The following PPP2R2B variants were observed in gnomAD, a reference collection of about 807,000 sequenced individuals.
PPP2R2B encodes the protein protein phosphatase 2 regulatory subunit Bbeta, also known as serine/threonine-protein phosphatase 2A 55 kDa regulatory subunit B beta isoform.
In PPP2R2B, 5 loss-of-function variants were observed where a neutral mutation model predicts 46.0. The ratio of observed to expected loss-of-function variants is 0.11; its 90% confidence interval spans 0.06 to 0.23. The LOEUF (loss-of-function observed/expected upper bound fraction) is 0.23, where lower values mean the gene tolerates loss of function less well. Ranked by LOEUF, PPP2R2B falls within the 10% of genes least tolerant of loss-of-function variation. PPP2R2B has a pLI of 1.00. For synonymous variants in PPP2R2B, 215 were observed against 206.7 expected, an observed-to-expected ratio of 1.04 and a Z score of -0.34; for missense variants, 367 against 575.0, an observed-to-expected ratio of 0.64 and a Z score of 3.70.
rs927631585 is a variant in PPP2R2B, at chr5:146,585,118, T to A, written c.*4829A>T. 2 of 152,128 alleles carry A rather than the reference T, an allele frequency of 1.3e-5. No individual in the cohort carries two copies. The highest frequency in any genetic ancestry group is 4.8e-5 in the African/African-American group (2 of 41,414). 9.4% of individuals were successfully genotyped at this position (152,128 alleles called of 1,614,324 possible). A position where few individuals can be genotyped will look rare whatever the true frequency, so the allele number is the denominator to read the frequency against. On this transcript the variant is annotated 3_prime_UTR_variant, in exon 10 of 10. Transcript: ENST00000394411. ...TCTTGGAGGGCAGGGGCCAGTGGTT[T>A]AAATATCTTAGTAACTCCAGCCCCT...
chr5:146,910,941 A>C (rs1763155534), intron 1 of PPP2R2B, among the ~76,000 whole-genome samples: 1 of 152,046 alleles, frequency 6.6e-6, no homozygotes, highest in Non-Finnish European at 1.5e-5. Flanking sequence ...ATATTCGTCT[A>C]CCTGTCACAG....
intron 6 of PPP2R2B, among the ~76,000 whole-genome samples, chr5:146,643,183 CGAGAGA>C (rs150316003): frequency 2.0e-5 from 3 of 148,406 alleles, no homozygotes; most frequent in Non-Finnish European, 3.0e-5. Context: ...CACACACACA[CGAGAGA>C]GAGAGAGAGA....
At chr5:146,658,207 G>T (rs1021724407) in intron 5 of PPP2R2B, among the ~76,000 whole-genome samples, 2 of 152,140 alleles carry the variant, frequency 1.3e-5, no homozygotes, top group Non-Finnish European at 2.9e-5. Context: ...CCCTGACCCT[G>T]GTGCTCTGGG....
intron 2 of PPP2R2B, among the ~76,000 whole-genome samples, chr5:146,772,794 G>T (rs577002950): frequency 6.6e-6 from 1 of 152,070 alleles, no homozygotes; most frequent in Admixed American, 6.6e-5. Flanking sequence ...GGCCACAAAC[G>T]TTTAAGAACA....
intron 7 of PPP2R2B, among the ~76,000 whole-genome samples, chr5:146,625,506 T>C (rs1361639612): frequency 4.6e-5 from 7 of 152,070 alleles, no homozygotes; most frequent in Non-Finnish European, 2.9e-5. Flanking sequence ...CTGAGGGGGT[T>C]TGAGAAAAGA....
intron 2 of PPP2R2B, among the ~76,000 whole-genome samples, chr5:146,818,637 T>C (rs1271577567): frequency 1.3e-5 from 2 of 152,212 alleles, no homozygotes; most frequent in African/African-American, 4.8e-5. Context: ...ATTTTCTCAG[T>C]GACCCATGAT....
chr5:146,600,623 C>A (rs567135291), intron 7 of PPP2R2B, among the ~76,000 whole-genome samples, 163 bp from the exon 8 acceptor site: 1 of 152,042 alleles, frequency 6.6e-6, no homozygotes, highest in African/African-American at 2.4e-5. Context: ...TCTCTGGTAG[C>A]GGAAAAAGCT....
chr5:146,615,733 A>C (rs1014113395), intron 7 of PPP2R2B, among the ~76,000 whole-genome samples: 1 of 152,114 alleles, frequency 6.6e-6, no homozygotes, highest in South Asian at 2.1e-4. Flanking sequence ...CACTGATGAA[A>C]GAAAAGGAAG....
chr5:146,972,762 T>A (rs1752719566), intron 1 of PPP2R2B, among the ~76,000 whole-genome samples: 1 of 152,056 alleles, frequency 6.6e-6, no homozygotes, highest in African/African-American at 2.4e-5. Context: ...TAATTATAAT[T>A]AGCATTTATC....
intron 1 of PPP2R2B, among the ~76,000 whole-genome samples, chr5:146,973,063 T>G (rs1752736329): frequency 8.6e-6 from 1 of 116,148 alleles, no homozygotes; most frequent in Non-Finnish European, 2.2e-5. Flanking sequence ...TATTTCTTGA[T>G]GATCTTTAAA....
intron 2 of PPP2R2B, among the ~76,000 whole-genome samples, chr5:146,808,910 C>T (rs568945689): frequency 2.0e-5 from 3 of 151,764 alleles, no homozygotes; most frequent in African/African-American, 7.3e-5. Flanking sequence ...TTTATTATTA[C>T]CTTGTAAATG....
intron 2 of PPP2R2B, among the ~76,000 whole-genome samples, chr5:147,077,146 AATATTGT>A (rs1403253135): frequency 2.0e-5 from 3 of 147,838 alleles, no homozygotes; most frequent in South Asian, 4.2e-4. Flanking sequence ...TTATATGTAT[AATATTGT>A]ATATTGTATA....
chr5:146,792,511 T>G (rs957234816), intron 2 of PPP2R2B, among the ~76,000 whole-genome samples: 1 of 152,146 alleles, frequency 6.6e-6, no homozygotes, highest in Non-Finnish European at 1.5e-5. Flanking sequence ...GGGAGATATG[T>G]AACAAACAAT....
At chr5:146,842,516 T>C (rs1231954171) in intron 2 of PPP2R2B, among the ~76,000 whole-genome samples, 1 of 148,734 alleles carries the variant, frequency 6.7e-6, no homozygotes, top group Non-Finnish European at 1.5e-5. Context: ...CAGGGTTACA[T>C]GTGCAGGATG....
At chr5:146,849,768 G>A (rs542393434) in intron 2 of PPP2R2B, among the ~76,000 whole-genome samples, 1 of 152,268 alleles carries the variant, frequency 6.6e-6, no homozygotes, top group East Asian at 1.9e-4. Flanking sequence ...AAAATGGTTT[G>A]TTTCTCCACA....
At chr5:146,613,837 A>C (rs1195457990) in intron 7 of PPP2R2B, among the ~76,000 whole-genome samples, 1 of 142,516 alleles carries the variant, frequency 7.0e-6, no homozygotes, top group Non-Finnish European at 1.5e-5. Flanking sequence ...ACCACTGCTC[A>C]AGGAAATAAA....
intron 1 of PPP2R2B, among the ~76,000 whole-genome samples, chr5:146,949,981 G>A (rs556044411): frequency 1.3e-5 from 2 of 152,052 alleles, no homozygotes; most frequent in Admixed American, 6.6e-5. Flanking sequence ...GAAGGGTAGT[G>A]GGGATAGGAG....
intron 2 of PPP2R2B, among the ~76,000 whole-genome samples, chr5:146,848,294 G>A (rs1433117075): frequency 1.3e-5 from 2 of 152,110 alleles, no homozygotes; most frequent in Non-Finnish European, 2.9e-5. Flanking sequence ...TATAAGTAAT[G>A]AAGCAATATT....
exon 2 of PPP2R2B, chr5:147,081,128 T>G (rs17524553): frequency 6.5e-7 from 1 of 1,535,528 alleles, no homozygotes; most frequent in Non-Finnish European, 8.7e-7. Context: ...TGGGTGAGTG[T>G]CCCAATTCCT....
Sources: allele counts gnomAD v4.1 joint callset (sites outside exome capture counted in the v4.1 genomes callset), GRCh38; gene constraint gnomAD v4.1.1; transcripts MANE v1.5; gene names NCBI Gene and HGNC (gene_info 2026-07-23, HGNC 2026-07-21).